The following CNTN3 variants were observed in gnomAD, a reference collection of about 807,000 sequenced individuals.
CNTN3 encodes contactin-3.
Under a neutral mutation model 119.1 loss-of-function variants are expected in CNTN3, and 60 were observed. That is an observed-to-expected ratio of 0.50 (90% CI 0.41 to 0.62). CNTN3 has a LOEUF of 0.62. CNTN3 is among the 20% of genes least tolerant of loss of function. CNTN3 has a pLI of 0.00. For synonymous variants in CNTN3, 450 were observed against 438.7 expected (o/e 1.03, Z -0.32); for missense variants, 1,101 against 1,242.4 (o/e 0.89, Z 1.71).
At chr3:74,311,248 T>C (rs1307196004) in intron 13 of CNTN3, among the ~76,000 whole-genome samples, 1 of 152,146 alleles carries the variant, frequency 6.6e-6, no homozygotes, top group Non-Finnish European at 1.5e-5. Context: ...CTATGTAGTC[T>C]GGCAATTCTC....
At chr3:74,309,776 T>G (rs1702642165) in intron 13 of CNTN3, among the ~76,000 whole-genome samples, 1 of 152,198 alleles carries the variant, frequency 6.6e-6, no homozygotes, top group African/African-American at 2.4e-5. Context: ...GTAGGCTGTG[T>G]AGGCTGTATA....
At chr3:74,553,365 T>C (rs914102609) in intron 1 of CNTN3, among the ~76,000 whole-genome samples, 14 of 152,254 alleles carry the variant, frequency 9.2e-5, no homozygotes, top group African/African-American at 3.4e-4. Context: ...GTCCAAGTCT[T>C]TGCTATTGCG....
At chr3:74,445,590 A>C (rs146451634) in intron 4 of CNTN3, among the ~76,000 whole-genome samples, 1 of 152,206 alleles carries the variant, frequency 6.6e-6, no homozygotes, top group Non-Finnish European at 1.5e-5. Flanking sequence ...TGCTTTAATA[A>C]GATATTTATT....
chr3:74,467,276 C>T (rs1021487221), intron 4 of CNTN3, among the ~76,000 whole-genome samples: 6 of 151,876 alleles, frequency 4.0e-5, no homozygotes, highest in African/African-American at 1.2e-4. Context: ...TTACCAAATG[C>T]AGAATTATGA....
intron 18 of CNTN3, among the ~76,000 whole-genome samples, chr3:74,297,122 G>A (rs529246813): frequency 6.6e-6 from 1 of 152,228 alleles, no homozygotes; most frequent in South Asian, 2.1e-4. Context: ...TCTGTTGAAT[G>A]AGATACCGCT....
At chr3:74,475,985 G>C (rs1040842017) in intron 4 of CNTN3, among the ~76,000 whole-genome samples, 3 of 152,118 alleles carry the variant, frequency 2.0e-5, no homozygotes, top group Non-Finnish European at 4.4e-5. Flanking sequence ...TGGTGATCTT[G>C]CTGTTTAAAA....
At chr3:74,335,253 A>G (rs1293164125) in intron 12 of CNTN3, among the ~76,000 whole-genome samples, 1 of 151,616 alleles carries the variant, frequency 6.6e-6, no homozygotes, top group Non-Finnish European at 1.5e-5. Context: ...GGGTAGAAAT[A>G]GAAAATACTG....
chr3:74,530,955 A>G (rs1349647337), intron 1 of CNTN3, among the ~76,000 whole-genome samples: 1 of 151,952 alleles, frequency 6.6e-6, no homozygotes, highest in Non-Finnish European at 1.5e-5. Flanking sequence ...CCAAAGTGAC[A>G]TGACGCTAAG....
At chr3:74,512,954 G>A (rs1703394609) in intron 2 of CNTN3, among the ~76,000 whole-genome samples, 2 of 152,176 alleles carry the variant, frequency 1.3e-5, no homozygotes, top group South Asian at 4.1e-4. Context: ...CATGGGATAA[G>A]AATGAAAAGT....
At chr3:74,455,655 T>C (rs894582334) in intron 4 of CNTN3, among the ~76,000 whole-genome samples, 5 of 152,076 alleles carry the variant, frequency 3.3e-5, no homozygotes, top group African/African-American at 1.2e-4. Context: ...TCTTTGATGA[T>C]GGTGATGTAC....
Position 74,515,246 on chromosome 3 carries a change from C to G in CNTN3, c.55+5812G>C, listed in dbSNP as rs546733049. On this transcript the variant is annotated intron_variant, in intron 2 of 22. Coordinates refer to ENST00000263665, the MANE Select transcript of CNTN3 (RefSeq NM_020872.3). ...AAGTATGTGGGAGATAGACACTGCA[C>G]AGTTGAAATGAGAATTACAGAAAAA... Among the ~76,000 whole-genome samples the G allele has an allele frequency of 1.1e-4, 16 of 152,100 alleles. No homozygotes were observed. In the South Asian group the frequency reaches 3.1e-3, roughly 30 times the overall value.
chr3:74,345,035 A>G (rs1361982878), intron 11 of CNTN3, among the ~76,000 whole-genome samples: 1 of 152,176 alleles, frequency 6.6e-6, no homozygotes. Flanking sequence ...TAGCTGCTTC[A>G]GTGCTAGCCT....
intron 20 of CNTN3, among the ~76,000 whole-genome samples, chr3:74,282,767 G>A (rs1370323073): frequency 2.0e-5 from 3 of 152,068 alleles, no homozygotes; most frequent in East Asian, 3.8e-4. Flanking sequence ...ATTATTAATG[G>A]CTCTAAGAGA....
In CNTN3 at chr3:74,342,696, C is replaced by A. The variant is rs148918568; in HGVS notation, c.1365-6038G>T. 5.1e-3 allele frequency among the ~76,000 whole-genome samples: 776 copies of A among 152,276 alleles called. 11 individuals carry two copies. The highest frequency in any genetic ancestry group is 0.018 in the African/African-American group (744 of 41,558). Reference sequence around the variant, plus strand: ...TGTTGCTAAACGCATATTAACATGACAAATATATTTAGAGCCAAAATCACT... The same window carrying A: ...TGTTGCTAAACGCATATTAACATGAAAAATATATTTAGAGCCAAAATCACT... On this transcript the variant is annotated intron_variant, in intron 11 of 22. Transcript: ENST00000263665.
intron 20 of CNTN3, among the ~76,000 whole-genome samples, chr3:74,273,853 T>A (rs2106756723): frequency 6.6e-6 from 1 of 152,174 alleles, no homozygotes; most frequent in East Asian, 1.9e-4. Context: ...GCAGACTTTA[T>A]AGGTGGAGGA....
rs563593724 is a variant in CNTN3 at position 74,361,898 on chromosome 3, C to G, written c.1356G>C (p.Glu452Asp). The change falls in exon 11 of 23, where the codon GAG becomes GAC. Residue 452 changes from glutamate (E) to aspartate (D), a missense_variant. Coordinates refer to ENST00000263665, the MANE Select transcript of CNTN3 (RefSeq NM_020872.3). ...SWKKGDVSVQEHERISLLNDG... is the reference protein window; with the variant it reads ...SWKKGDVSVQDHERISLLNDG... ...TCTGGACATCAAAATACCTTTCATGCTCCTGCACGCTCACATCCCCCTTCT... is the reference window on the plus strand; with the variant it reads ...TCTGGACATCAAAATACCTTTCATGGTCCTGCACGCTCACATCCCCCTTCT... The G allele has an allele frequency of 6.2e-7, 1 of 1,611,580 alleles. No homozygotes were observed. Among genetic ancestry groups the G allele is most frequent in the East Asian group, 2.2e-5 (1 of 44,840 alleles).
chr3:74,455,495 C>G (rs544967020), intron 4 of CNTN3, among the ~76,000 whole-genome samples: 1 of 152,100 alleles, frequency 6.6e-6, no homozygotes, highest in Non-Finnish European at 1.5e-5. Context: ...CTTCTTCTCT[C>G]GACTCGTCAA....
At position 74,557,768 on chromosome 3, in the gene CNTN3, T is replaced by C. The variant is rs2107169909; in HGVS notation, c.-80-36576A>G. 2.7e-5 allele frequency among the ~76,000 whole-genome samples: 4 copies of C among 149,770 alleles called. 1 individual carries two copies. Among genetic ancestry groups the C allele is most frequent in the South Asian group, 4.2e-4 (2 of 4,756 alleles). ...GAAGGAAATGCCAGTCAGAGAGAGCTTGGAATGAATATTAAAAGACAGAAA... is the reference window on the plus strand; with the variant it reads ...GAAGGAAATGCCAGTCAGAGAGAGCCTGGAATGAATATTAAAAGACAGAAA... On this transcript the variant is annotated intron_variant, in intron 1 of 22. Coordinates refer to ENST00000263665, the MANE Select transcript of CNTN3 (RefSeq NM_020872.3).
intron 5 of CNTN3, among the ~76,000 whole-genome samples, chr3:74,381,100 ACGCACACATAAACACACACG>A (rs924094581): frequency 1.3e-5 from 2 of 150,690 alleles, no homozygotes; most frequent in African/African-American, 4.9e-5. Context: ...ACACACACAC[ACGCACACATAAACACACACG>A]CACGCACAGT....
Sources: gnomAD v4.1 joint callset for allele counts (sites outside exome capture counted in the v4.1 genomes callset) on GRCh38, gnomAD v4.1.1 for gene constraint, MANE v1.5 for transcripts, NCBI Gene and HGNC (gene_info 2026-07-23, HGNC 2026-07-21) for gene names.